ZC3H12B: variants seen among roughly 807,000 people sequenced by gnomAD.
ZC3H12B encodes probable ribonuclease ZC3H12B.
A neutral mutation model predicts 43.9 loss-of-function variants in ZC3H12B; 7 were observed. That is an observed-to-expected ratio of 0.16 (90% CI 0.09 to 0.30). The LOEUF (loss-of-function observed/expected upper bound fraction) is 0.30, where lower values mean the gene tolerates loss of function less well. Among genes scored for constraint, ZC3H12B ranks in the 10% least tolerant of loss-of-function variants. The probability of loss-of-function intolerance (pLI) is 1.00; values close to 1 mark genes in which losing one functional copy is unlikely to be tolerated. For missense variants in ZC3H12B, 475 were observed against 670.2 expected (o/e 0.71, Z 3.22); for synonymous variants, 222 against 241.7 (o/e 0.92, Z 0.76).
the ZC3H12B span, among the ~76,000 whole-genome samples, chrX:65,268,494 T>C: frequency 4.5e-5 from 5 of 112,112 alleles, no homozygotes; most frequent in African/African-American, 9.7e-5. Flanking sequence ...TTAATGAACA[T>C]TGATGCAAAA....
the ZC3H12B span, among the ~76,000 whole-genome samples, chrX:65,198,939 G>T: frequency 1.8e-5 from 2 of 110,976 alleles, no homozygotes. Context: ...CGATTCTTAT[G>T]CCTCAGCCTC....
At chrX:65,157,863 C>G in the ZC3H12B span, among the ~76,000 whole-genome samples, 2 of 104,761 alleles carry the variant, frequency 1.9e-5, no homozygotes, top group Non-Finnish European at 3.9e-5. Flanking sequence ...TGCTGGTGTG[C>G]TGCACCCATT....
the ZC3H12B span, among the ~76,000 whole-genome samples, chrX:65,348,011 C>G: frequency 9.1e-6 from 1 of 110,343 alleles, no homozygotes; most frequent in African/African-American, 3.3e-5. Flanking sequence ...ACTGCGTGTT[C>G]TCATAGGTGG....
At chrX:65,381,494 G>C (rs1449957412) in intron 2 of ZC3H12B, among the ~76,000 whole-genome samples, 1 of 110,778 alleles carries the variant, frequency 9.0e-6, no homozygotes, top group Non-Finnish European at 1.9e-5. Context: ...GTCCACAAGA[G>C]AAAGCAGGAA....
chrX:65,113,120 C>A, the ZC3H12B span, among the ~76,000 whole-genome samples: 5 of 111,087 alleles, frequency 4.5e-5, no homozygotes. Flanking sequence ...GAGGAAGCCA[C>A]TGTTGATGTG....
At chrX:65,138,121 T>C in the ZC3H12B span, among the ~76,000 whole-genome samples, 1 of 112,654 alleles carries the variant, frequency 8.9e-6, no homozygotes, top group African/African-American at 3.2e-5. Context: ...TGAGCCACCA[T>C]TTTTAAGAAT....
intron 1 of ZC3H12B, among the ~76,000 whole-genome samples, chrX:65,494,146 C>T: frequency 9.0e-6 from 1 of 111,542 alleles, no homozygotes; most frequent in African/African-American, 3.3e-5. Context: ...CAGTGTTTGT[C>T]TCTGGATTGT....
the ZC3H12B span, among the ~76,000 whole-genome samples, chrX:65,035,218 CT>C: frequency 8.9e-6 from 1 of 112,073 alleles, no homozygotes; most frequent in Non-Finnish European, 1.9e-5. Flanking sequence ...GGGCTCCCCC[CT>C]GCAGGGGCTG....
At chrX:65,152,869 T>G in the ZC3H12B span, among the ~76,000 whole-genome samples, 1 of 111,948 alleles carries the variant, frequency 8.9e-6, no homozygotes, top group Non-Finnish European at 1.9e-5. Flanking sequence ...AGCATGGTAC[T>G]GGTACCAAAA....
the ZC3H12B span, among the ~76,000 whole-genome samples, chrX:65,119,049 T>G: frequency 9.0e-6 from 1 of 111,182 alleles, no homozygotes; most frequent in African/African-American, 3.3e-5. Flanking sequence ...CAATCTATCA[T>G]TGTTGGACAT....
the ZC3H12B span, among the ~76,000 whole-genome samples, chrX:65,305,124 C>T: frequency 6.6e-4 from 74 of 111,890 alleles, no homozygotes; most frequent in African/African-American, 2.3e-3. Context: ...ATCTATTACA[C>T]TGTCTTAGCT....
chrX:65,047,243 G>T, the ZC3H12B span, among the ~76,000 whole-genome samples: 1 of 110,881 alleles, frequency 9.0e-6, no homozygotes, highest in Non-Finnish European at 1.9e-5. Flanking sequence ...ATAAAATGAG[G>T]TACCCCTGCA....
the ZC3H12B span, among the ~76,000 whole-genome samples, chrX:65,238,268 T>C: frequency 8.9e-6 from 1 of 111,945 alleles, no homozygotes; most frequent in African/African-American, 3.2e-5. Flanking sequence ...CTTTCTCAAT[T>C]TCAGAACTTG....
At chrX:65,241,719 C>T in the ZC3H12B span, among the ~76,000 whole-genome samples, 1 of 112,460 alleles carries the variant, frequency 8.9e-6, no homozygotes, top group East Asian at 2.8e-4. Flanking sequence ...CCGCCCTTCT[C>T]ACCAGAAATT....
At chrX:65,464,891 CTGAT>C (rs772891789) in intron 3 of ZC3H12B, among the ~76,000 whole-genome samples, 1 of 111,352 alleles carries the variant, frequency 9.0e-6, no homozygotes, top group Non-Finnish European at 1.9e-5. Flanking sequence ...TTAGAATCAT[CTGAT>C]TGATTTCCAC....
At chrX:65,450,701 GTATATA>G (rs1216576454) in intron 3 of ZC3H12B, among the ~76,000 whole-genome samples, 1 of 26,671 alleles carries the variant, frequency 3.7e-5, no homozygotes, top group South Asian at 3.1e-3. Flanking sequence ...ATACATATGT[GTATATA>G]TGTATATGTA....
the ZC3H12B span, among the ~76,000 whole-genome samples, chrX:65,300,332 G>A: frequency 8.9e-6 from 1 of 111,926 alleles, no homozygotes; most frequent in Admixed American, 9.4e-5. Flanking sequence ...GAGGGGGCAG[G>A]GTGGTAGTAA....
At chrX:65,249,942 CT>C in the ZC3H12B span, among the ~76,000 whole-genome samples, 18 of 108,255 alleles carry the variant, frequency 1.7e-4, no homozygotes, top group East Asian at 5.3e-3. Context: ...TTGCTGAATT[CT>C]TTTTTTTATT....
At chrX:65,301,106 G>A in the ZC3H12B span, among the ~76,000 whole-genome samples, 22 of 111,122 alleles carry the variant, frequency 2.0e-4, no homozygotes, top group Non-Finnish European at 3.2e-4. Flanking sequence ...CTATTGATCA[G>A]GAAAATACAA....
Sources: allele counts gnomAD v4.1 joint callset (sites outside exome capture counted in the v4.1 genomes callset), GRCh38; gene constraint gnomAD v4.1.1; transcripts MANE v1.5; gene names NCBI Gene and HGNC (gene_info 2026-07-23, HGNC 2026-07-21).